Variants in CCSER1 observed in about 807,000 individuals in gnomAD.
CCSER1 encodes serine-rich coiled-coil domain-containing protein 1.
CCSER1 carries 41 observed loss-of-function variants against 82.0 expected under a neutral mutation model. The observed-to-expected ratio is 0.50, with a 90% confidence interval of 0.39 to 0.65. The LOEUF (loss-of-function observed/expected upper bound fraction) is 0.65. Ranked by LOEUF, CCSER1 falls within the 30% of genes least tolerant of loss-of-function variation. The pLI, the probability that CCSER1 is intolerant of heterozygous loss-of-function variation, is 0.00. For synonymous variants in CCSER1, 414 were observed against 383.9 expected (o/e 1.08, Z -0.92); for missense variants, 1,119 against 1,064.2 (o/e 1.05, Z -0.72).
At chr4:90,331,222 G>A (rs7679429) in intron 3 of CCSER1, among the ~76,000 whole-genome samples, 6 of 151,326 alleles carry the variant, frequency 4.0e-5, no homozygotes, top group Admixed American at 3.9e-4. Context: ...AGAAGCATGA[G>A]TGCATAATAA....
At position 90,153,661 on chromosome 4, in the gene CCSER1, G is replaced by A. The variant is rs972353852; in HGVS notation, c.-42+25830G>A. Among the ~76,000 whole-genome samples, 86 of 152,160 alleles carry A rather than the reference G, an allele frequency of 5.7e-4. 1 individual carries two copies. The highest frequency in any genetic ancestry group is 1.1e-3 in the Non-Finnish European group (74 of 67,998). ...GTGATGGTGAGCATTTTTTCATGCGGTTTTTGGCTGCATAAATGTCTTCTT... is the reference window on the plus strand; with the variant it reads ...GTGATGGTGAGCATTTTTTCATGCGATTTTTGGCTGCATAAATGTCTTCTT... On this transcript the variant is annotated intron_variant, in intron 1 of 10. Transcript: ENST00000509176.
intron 7 of CCSER1, among the ~76,000 whole-genome samples, chr4:90,764,073 A>G (rs1305677037): frequency 1.3e-5 from 2 of 152,324 alleles, no homozygotes; most frequent in African/African-American, 4.8e-5. Flanking sequence ...TCACTAAGTT[A>G]TATTGACTCA....
chr4:90,137,382 G>A (rs1723883239), intron 1 of CCSER1, among the ~76,000 whole-genome samples: 1 of 152,134 alleles, frequency 6.6e-6, no homozygotes, highest in South Asian at 2.1e-4. Context: ...TAGGAGGAAG[G>A]GACCTGAAAT....
At chr4:90,605,329 G>A (rs539964876) in intron 5 of CCSER1, among the ~76,000 whole-genome samples, 1 of 152,288 alleles carries the variant, frequency 6.6e-6, no homozygotes, top group East Asian at 1.9e-4. Flanking sequence ...AATGCTGTGA[G>A]ACTAGATGCC....
intron 9 of CCSER1, among the ~76,000 whole-genome samples, chr4:91,041,544 C>CGTGACTG (rs1741954749): frequency 1.3e-5 from 2 of 152,074 alleles, no homozygotes; most frequent in South Asian, 4.1e-4. Flanking sequence ...AAAGAATCCC[C>CGTGACTG]GTGACTGTAC....
At chr4:91,563,509 AT>A (rs1312770184) in intron 10 of CCSER1, among the ~76,000 whole-genome samples, 1 of 151,368 alleles carries the variant, frequency 6.6e-6, no homozygotes, top group East Asian at 1.9e-4. Flanking sequence ...CAAATTAGAT[AT>A]AGTGTTCCAT....
chr4:90,652,960 G>C (rs1482421672), intron 6 of CCSER1, among the ~76,000 whole-genome samples: 1 of 152,080 alleles, frequency 6.6e-6, no homozygotes, highest in East Asian at 1.9e-4. Context: ...TTTGTCTGCT[G>C]TTCCTCCTAT....
intron 10 of CCSER1, among the ~76,000 whole-genome samples, chr4:91,208,744 A>G (rs187135000): frequency 1.3e-5 from 2 of 152,008 alleles, no homozygotes; most frequent in Admixed American, 6.6e-5. Context: ...GATTTCTTCT[A>G]GTTCTGTGAA....
At chr4:91,333,180 G>T (rs918462318) in intron 10 of CCSER1, among the ~76,000 whole-genome samples, 1 of 151,952 alleles carries the variant, frequency 6.6e-6, no homozygotes, top group Middle Eastern at 3.4e-3. Context: ...ATACCATTAT[G>T]GTTGGATTGA....
chr4:91,067,421 T>C lies in CCSER1; in HGVS notation c.2173-18529T>C, dbSNP rs115148013. Reference sequence around the variant, plus strand: ...GTGCAGTGGTGCCATCATAGCTTACTGCAAGCTTGAAACTCCTGGGTTCAA... The same window carrying C: ...GTGCAGTGGTGCCATCATAGCTTACCGCAAGCTTGAAACTCCTGGGTTCAA... On this transcript the variant is annotated intron_variant, in intron 9 of 10. Transcript: ENST00000509176. Among the ~76,000 whole-genome samples, 698 of 151,922 alleles carry C rather than the reference T, an allele frequency of 4.6e-3. 5 individuals are homozygous for C. The highest frequency in any genetic ancestry group is 0.016 in the African/African-American group (646 of 41,464).
rs569131031 is a variant in CCSER1, at chr4:90,142,199, T to C, written c.-42+14368T>C. On this transcript the variant is annotated intron_variant, in intron 1 of 10. Transcript: ENST00000509176. ...ACTTTGTTAATCCAAACACAGATCT[T>C]CTACTTTGTTAAGGTCATGTAACTT... 9.2e-5 allele frequency among the ~76,000 whole-genome samples: 14 copies of C among 152,336 alleles called. No homozygotes were observed. In the South Asian group the frequency reaches 2.9e-3, roughly 32 times the overall value.
chr4:90,284,406 C>T (rs1254549771), intron 1 of CCSER1, among the ~76,000 whole-genome samples: 2 of 151,886 alleles, frequency 1.3e-5, no homozygotes, highest in African/African-American at 2.4e-5. Context: ...TTTGCCCAGA[C>T]ACATGTCCTG....
chr4:90,275,183 C>T (rs577457558), intron 1 of CCSER1, among the ~76,000 whole-genome samples: 2 of 152,218 alleles, frequency 1.3e-5, no homozygotes, highest in Non-Finnish European at 2.9e-5. Context: ...AATCAGTTAG[C>T]AGATTTGTAT....
intron 5 of CCSER1, among the ~76,000 whole-genome samples, chr4:90,568,973 G>C (rs979712200): frequency 2.0e-5 from 3 of 151,786 alleles, no homozygotes; most frequent in African/African-American, 4.8e-5. Context: ...TCACCATGTT[G>C]GTCAGGCTGA....
chr4:90,946,624 CA>C (rs61298882), intron 9 of CCSER1, among the ~76,000 whole-genome samples: 50,934 of 108,146 alleles, frequency 0.47, 9,281 homozygotes, highest in East Asian at 0.59. Flanking sequence ...GACTGCACCT[CA>C]AAAAAAAAAA....
intron 10 of CCSER1, among the ~76,000 whole-genome samples, chr4:91,383,915 A>T (rs1015799995): frequency 2.0e-5 from 3 of 152,148 alleles, no homozygotes; most frequent in Non-Finnish European, 4.4e-5. Context: ...AATTTTTTTA[A>T]TGGATCTCAG....
chr4:90,300,124 A>G (rs1269334214), intron 1 of CCSER1, among the ~76,000 whole-genome samples: 1 of 152,162 alleles, frequency 6.6e-6, no homozygotes, highest in Non-Finnish European at 1.5e-5. Flanking sequence ...CATTCCCCTA[A>G]ACACTTCAAG....
At chr4:91,531,128 C>G (rs1324371369) in intron 10 of CCSER1, among the ~76,000 whole-genome samples, 3 of 151,964 alleles carry the variant, frequency 2.0e-5, no homozygotes, top group African/African-American at 7.3e-5. Flanking sequence ...AGTAATTAGA[C>G]AAAGACATTG....
chr4:91,331,513 T>G (rs113206102), intron 10 of CCSER1, among the ~76,000 whole-genome samples: 31 of 152,248 alleles, frequency 2.0e-4, no homozygotes, highest in African/African-American at 7.2e-4. Context: ...GACGCTTGCC[T>G]GCTTCAAGAC....
Sources: allele counts gnomAD v4.1 joint callset (sites outside exome capture counted in the v4.1 genomes callset), GRCh38; gene constraint gnomAD v4.1.1; transcripts MANE v1.5; gene names NCBI Gene and HGNC (gene_info 2026-07-23, HGNC 2026-07-21).